EXOSC7: variants seen among roughly 807,000 people sequenced by gnomAD.
EXOSC7 encodes the protein exosome complex component RRP42.
Under a neutral mutation model 34.3 loss-of-function variants are expected in EXOSC7, and 25 were observed. The ratio of observed to expected loss-of-function variants is 0.73; its 90% confidence interval spans 0.53 to 1.02. The LOEUF (loss-of-function observed/expected upper bound fraction) is 1.02, where lower values mean the gene tolerates loss of function less well. Ranked by LOEUF, EXOSC7 falls within the 50% of genes least tolerant of loss-of-function variation. EXOSC7 has a pLI of 0.00. For missense variants in EXOSC7, 370 were observed against 368.5 expected, an observed-to-expected ratio of 1.00 and a Z score of -0.03; for synonymous variants, 130 against 143.0, an observed-to-expected ratio of 0.91 and a Z score of 0.65.
rs541057319 is a variant in EXOSC7, at chr3:45,011,397, C to T, written c.*58C>T. Reference sequence around the variant, plus strand: ...TTTTACTTTTCCTTTTAAACCGGTTCGTATATATTTTTCTTCGCTGTTACG... The same window carrying T: ...TTTTACTTTTCCTTTTAAACCGGTTTGTATATATTTTTCTTCGCTGTTACG... On this transcript the variant is annotated 3_prime_UTR_variant, in exon 8 of 8. Coordinates refer to ENST00000265564, the MANE Select transcript of EXOSC7 (RefSeq NM_015004.4). The T allele has an allele frequency of 4.3e-5, 48 of 1,104,918 alleles. No homozygotes were observed. In the East Asian group the frequency reaches 5.4e-4, roughly 12 times the overall value. 68.4% of individuals were successfully genotyped at this position (1,104,918 alleles called of 1,614,324 possible). A position where few individuals can be genotyped will look rare whatever the true frequency, so the allele number is the denominator to read the frequency against.
chr3:44,995,919 C>T (rs1291268932), intron 3 of EXOSC7, among the ~76,000 whole-genome samples: 2 of 152,356 alleles, frequency 1.3e-5, no homozygotes, highest in Non-Finnish European at 2.9e-5. Flanking sequence ...CTGGAATCTT[C>T]CTGCCTCTCT....
At chr3:44,997,410 A>T (rs577141681) in intron 4 of EXOSC7, among the ~76,000 whole-genome samples, 158 bp downstream of exon 4, 28 of 152,296 alleles carry the variant, frequency 1.8e-4, no homozygotes, top group East Asian at 3.9e-4. Flanking sequence ...TAATTTTTTT[A>T]AAAATTAAAT....
chr3:45,005,266 A>G (rs770204410), intron 5 of EXOSC7, 25 bp from the exon 6 acceptor site: 1 of 1,611,752 alleles, frequency 6.2e-7, no homozygotes, highest in East Asian at 2.2e-5. Context: ...CCAAGTGGGA[A>G]TTTTACTAGT....
chr3:44,996,821 C>G (rs1706734195), intron 3 of EXOSC7, among the ~76,000 whole-genome samples: 1 of 152,210 alleles, frequency 6.6e-6, no homozygotes, highest in Non-Finnish European at 1.5e-5. Context: ...TCCTGTTTCT[C>G]TTTGACTAAA....
Position 45,011,332 on chromosome 3 carries a change from T to G in EXOSC7, c.869T>G (p.Leu290Arg), listed in dbSNP as rs1707207327. ...CCCAAGAGACAGAAAGTTGGATTCC[T>G]GGGATGATTTGCACATCAACTGCTC... ...LGPKRQKVGF[L>R]G The change falls in exon 8 of 8, where the codon CTG becomes CGG. Residue 290 changes from leucine to arginine, a missense_variant. Physicochemically the swap from Leu to Arg is moderately radical, Grantham distance 102 (BLOSUM62 -2). Transcript: ENST00000265564. The G allele has an allele frequency of 4.4e-6, 7 of 1,603,332 alleles. No homozygotes were observed. The highest frequency in any genetic ancestry group is 6.0e-6 in the Non-Finnish European group (7 of 1,171,060).
chr3:44,976,256 G>T lies in EXOSC7; in HGVS notation c.-22G>T. The stretch of plus-strand genomic sequence containing the variant: ...AGGGGACGCGCGCAGATGACGTGCG[G>T]CTCGTGGGGCAGCTCGGCAGCATGG... On this transcript the variant is annotated 5_prime_UTR_variant, in exon 1 of 8. Transcript: ENST00000265564. 1 of 1,541,314 alleles carries T rather than the reference G, an allele frequency of 6.5e-7. No homozygotes were observed. The highest frequency in any genetic ancestry group is 8.7e-7 in the Non-Finnish European group (1 of 1,151,062).
At position 45,011,417 on chromosome 3, in the gene EXOSC7, G is replaced by C; in HGVS notation, c.*78G>C. On this transcript the variant is annotated 3_prime_UTR_variant, in exon 8 of 8. Coordinates refer to ENST00000265564, the MANE Select transcript of EXOSC7 (RefSeq NM_015004.4). Reference sequence around the variant, plus strand: ...CGGTTCGTATATATTTTTCTTCGCTGTTACGAATTTACAGCAGCATTTGTA... The same window carrying C: ...CGGTTCGTATATATTTTTCTTCGCTCTTACGAATTTACAGCAGCATTTGTA... The C allele has an allele frequency of 1.1e-6, 1 of 922,534 alleles. No individual in the cohort carries two copies. Among genetic ancestry groups the C allele is most frequent in the Non-Finnish European group, 1.7e-6 (1 of 593,964 alleles). 57.1% of individuals were successfully genotyped at this position (922,534 alleles called of 1,614,324 possible). A position where few individuals can be genotyped will look rare whatever the true frequency, so the allele number is the denominator to read the frequency against.
intron 7 of EXOSC7, among the ~76,000 whole-genome samples, chr3:45,009,956 G>A (rs1161801955): frequency 6.6e-6 from 1 of 152,160 alleles, no homozygotes; most frequent in African/African-American, 2.4e-5. Flanking sequence ...TCATACTTGG[G>A]ATCTCATCCC....
At chr3:44,989,508 C>A in intron 2 of EXOSC7, 42 bp from the exon 3 acceptor site, 1 of 1,482,636 alleles carries the variant, frequency 6.7e-7, no homozygotes, top group Non-Finnish European at 9.4e-7. Flanking sequence ...GAGTACCTGG[C>A]TGCATACTCT....
chr3:44,991,220 A>G (rs1331682286), intron 3 of EXOSC7, among the ~76,000 whole-genome samples: 2 of 152,048 alleles, frequency 1.3e-5, no homozygotes, highest in Admixed American at 1.3e-4. Flanking sequence ...TTTTTTTTCC[A>G]GCCCATTCCT....
chr3:45,005,481 TG>T, intron 6 of EXOSC7, 67 bp downstream of exon 6: 1 of 1,507,220 alleles, frequency 6.6e-7, no homozygotes, highest in Non-Finnish European at 9.1e-7. Context: ...CCCAACCTGC[TG>T]AGGTTACTTA....
intron 3 of EXOSC7, among the ~76,000 whole-genome samples, chr3:44,995,209 C>T (rs1286390623): frequency 6.6e-6 from 1 of 152,052 alleles, no homozygotes; most frequent in Admixed American, 6.6e-5. Flanking sequence ...TCTCGAACCC[C>T]CGACCTCAGG....
intron 7 of EXOSC7, among the ~76,000 whole-genome samples, chr3:45,007,955 GA>G (rs963195649): frequency 6.6e-6 from 1 of 152,172 alleles, no homozygotes; most frequent in African/African-American, 2.4e-5. Context: ...CCTGTCCCTA[GA>G]AGTGGGTGAG....
At chr3:45,004,440 G>C (rs1253443951) in intron 5 of EXOSC7, 1 of 151,892 alleles carries the variant, frequency 6.6e-6, no homozygotes, top group Non-Finnish European at 1.5e-5. Context: ...ATTTTTAGTA[G>C]AGATGGGGTT....
intron 4 of EXOSC7, among the ~76,000 whole-genome samples, chr3:45,001,308 T>C (rs191926064): frequency 1.6e-3 from 246 of 152,034 alleles, no homozygotes; most frequent in Middle Eastern, 3.4e-3. Flanking sequence ...CTGGGGGTGG[T>C]GGCGCACACG....
chr3:44,976,542 G>A (rs1304873988), intron 1 of EXOSC7, among the ~76,000 whole-genome samples: 1 of 152,192 alleles, frequency 6.6e-6, no homozygotes, highest in Non-Finnish European at 1.5e-5. Flanking sequence ...GCAGTTTTGC[G>A]GGTCTATAAG....
intron 5 of EXOSC7, among the ~76,000 whole-genome samples, chr3:45,002,706 T>TA (rs1459669690): frequency 6.6e-6 from 1 of 152,222 alleles, no homozygotes; most frequent in Non-Finnish European, 1.5e-5. Context: ...AGAGCTTTTC[T>TA]ATGATGAGTT....
intron 3 of EXOSC7, among the ~76,000 whole-genome samples, chr3:44,996,739 G>A (rs1706731781): frequency 2.0e-5 from 3 of 152,208 alleles, no homozygotes; most frequent in Admixed American, 2.0e-4. Context: ...GCCTGCCAGA[G>A]AAGAGTATTT....
intron 5 of EXOSC7, 164 bp from the exon 6 acceptor site, chr3:45,005,127 C>T: frequency 2.8e-6 from 2 of 726,118 alleles, no homozygotes; most frequent in Non-Finnish European, 4.5e-6. Context: ...TGCGGCGCCT[C>T]CTGTGTGCTT....
Sources: allele counts gnomAD v4.1 joint callset (sites outside exome capture counted in the v4.1 genomes callset), GRCh38; gene constraint gnomAD v4.1.1; transcripts MANE v1.5; gene names NCBI Gene and HGNC (gene_info 2026-07-23, HGNC 2026-07-21).